The following FHIT variants were observed in gnomAD, a reference collection of about 807,000 sequenced individuals.
The protein encoded by FHIT is bis(5'-adenosyl)-triphosphatase.
Under a neutral mutation model 17.9 loss-of-function variants are expected in FHIT, and 19 were observed. The ratio of observed to expected loss-of-function variants is 1.06; its 90% CI spans 0.74 to 1.56. FHIT has a LOEUF of 1.56. FHIT is among the 40% of genes most tolerant of loss of function. The pLI is 0.00. For synonymous variants in FHIT, 81 were observed against 69.7 expected, an observed-to-expected ratio of 1.16 and a Z score of -0.81; for missense variants, 248 against 189.2, an observed-to-expected ratio of 1.31 and a Z score of -1.82.
At chr3:61,072,763 A>G (rs2106745330) in intron 2 of FHIT, among the ~76,000 whole-genome samples, 1 of 152,286 alleles carries the variant, frequency 6.6e-6, no homozygotes, top group South Asian at 2.1e-4. Context: ...AGTGATACAA[A>G]AAGCAAAAGT....
At chr3:60,994,797 A>G (rs2030531351) in intron 3 of FHIT, among the ~76,000 whole-genome samples, 1 of 152,174 alleles carries the variant, frequency 6.6e-6, no homozygotes, top group South Asian at 2.1e-4. Flanking sequence ...CACTAAAACC[A>G]GGAAGGGAGC....
chr3:61,209,829 A>G (rs1257112277), intron 1 of FHIT, among the ~76,000 whole-genome samples: 1 of 152,078 alleles, frequency 6.6e-6, no homozygotes, highest in East Asian at 1.9e-4. Flanking sequence ...GTCATTCTCC[A>G]TCCAGCTTTG....
intron 5 of FHIT, among the ~76,000 whole-genome samples, chr3:60,069,898 T>C (rs1702690786): frequency 6.6e-6 from 1 of 152,210 alleles, no homozygotes; most frequent in African/African-American, 2.4e-5. Context: ...AATATAAATT[T>C]ACCATATAAA....
At chr3:61,094,855 A>G (rs2035590361) in intron 2 of FHIT, among the ~76,000 whole-genome samples, 1 of 152,216 alleles carries the variant, frequency 6.6e-6, no homozygotes, top group South Asian at 2.1e-4. Context: ...CAATGGAGCG[A>G]GACAGCATGA....
At chr3:60,212,969 G>C (rs1703526788) in intron 5 of FHIT, among the ~76,000 whole-genome samples, 1 of 152,104 alleles carries the variant, frequency 6.6e-6, no homozygotes, top group South Asian at 2.1e-4. Flanking sequence ...CCCAGTGAAT[G>C]TTTAATACTG....
chr3:59,986,398 T>G (rs1708902496), intron 7 of FHIT, among the ~76,000 whole-genome samples: 1 of 149,636 alleles, frequency 6.7e-6, no homozygotes, highest in African/African-American at 2.5e-5. Context: ...CTTGTGCCCT[T>G]ACTTCTCAAA....
At chr3:60,880,605 G>A in intron 3 of FHIT, among the ~76,000 whole-genome samples, 1 of 152,218 alleles carries the variant, frequency 6.6e-6, no homozygotes. Flanking sequence ...GGTGGCACAT[G>A]CCTGTAATCC....
At chr3:61,027,813 A>T (rs893874387) in intron 3 of FHIT, among the ~76,000 whole-genome samples, 1 of 152,250 alleles carries the variant, frequency 6.6e-6, no homozygotes, top group Non-Finnish European at 1.5e-5. Context: ...GCTATCCAGG[A>T]TTTACAATCA....
In FHIT at chr3:60,079,308, G is replaced by A. The variant is rs191579446; in HGVS notation, c.104-65156C>T. On this transcript the variant is annotated intron_variant, in intron 5 of 9. Coordinates refer to ENST00000492590, the MANE Select transcript of FHIT (RefSeq NM_002012.4). ...GGCTCCTCACACATGCTTTTAAATG[G>A]GGCTTTTTACTTTCTAAAATGTGTT... 4.5e-3 allele frequency among the ~76,000 whole-genome samples: 692 copies of A among 152,160 alleles called. 7 individuals are homozygous for A. The highest frequency in any genetic ancestry group is 0.016 in the African/African-American group (648 of 41,528).
chr3:60,171,765 G>A (rs1701423568), intron 5 of FHIT, among the ~76,000 whole-genome samples: 1 of 152,244 alleles, frequency 6.6e-6, no homozygotes, highest in African/African-American at 2.4e-5. Flanking sequence ...GAATGCAGAG[G>A]CATCATTACA....
chr3:60,457,979 T>C (rs908634447), intron 5 of FHIT, among the ~76,000 whole-genome samples: 3 of 152,136 alleles, frequency 2.0e-5, no homozygotes, highest in Non-Finnish European at 4.4e-5. Flanking sequence ...TTTTACACTG[T>C]TGGTAGGAAT....
At chr3:61,040,302 T>C (rs1559931926) in intron 3 of FHIT, among the ~76,000 whole-genome samples, 1 of 152,210 alleles carries the variant, frequency 6.6e-6, no homozygotes, top group African/African-American at 2.4e-5. Flanking sequence ...CTCCGCCTTA[T>C]TTTGTTTTTT....
chr3:59,979,625 C>T (rs867372426), intron 7 of FHIT, among the ~76,000 whole-genome samples: 25 of 152,034 alleles, frequency 1.6e-4, no homozygotes, highest in African/African-American at 5.3e-4. Context: ...CCATTTAGAA[C>T]GTGTACGCTG....
At chr3:60,910,258 A>G (rs1706668317) in intron 3 of FHIT, among the ~76,000 whole-genome samples, 1 of 152,162 alleles carries the variant, frequency 6.6e-6, no homozygotes, top group South Asian at 2.1e-4. Context: ...ATAAGTCTGA[A>G]GCTGCTTAGA....
At chr3:60,788,171 A>G (rs1553727487) in intron 4 of FHIT, among the ~76,000 whole-genome samples, 1 of 152,220 alleles carries the variant, frequency 6.6e-6, no homozygotes, top group African/African-American at 2.4e-5. Flanking sequence ...ACGTGCCTGT[A>G]GTTCTGGTTT....
rs188157100 is a variant in FHIT, at chr3:60,456,184, C to T, written c.103+80676G>A. ...TTTGTACACACAAGATACAGTGTTG[C>T]CTTTAAATATTCACAAATATTTTTA... On this transcript the variant is annotated intron_variant, in intron 5 of 9. Transcript: ENST00000492590. 4.9e-3 allele frequency among the ~76,000 whole-genome samples: 742 copies of T among 152,262 alleles called. 5 individuals are homozygous for T. Among genetic ancestry groups the T allele is most frequent in the African/African-American group, 0.017 (697 of 41,542 alleles).
intron 5 of FHIT, among the ~76,000 whole-genome samples, chr3:60,218,792 G>A (rs1054428454): frequency 1.3e-4 from 20 of 152,060 alleles, no homozygotes; most frequent in African/African-American, 4.8e-4. Flanking sequence ...CCCTGCATCT[G>A]ACAGCTAAGT....
intron 5 of FHIT, among the ~76,000 whole-genome samples, chr3:60,055,589 A>C (rs1248420447): frequency 6.6e-6 from 1 of 152,214 alleles, no homozygotes; most frequent in African/African-American, 2.4e-5. Context: ...TGAAGAAAGA[A>C]GAGAGGAAAC....
chr3:60,700,327 T>C (rs868923287), intron 4 of FHIT, among the ~76,000 whole-genome samples: 3 of 152,188 alleles, frequency 2.0e-5, no homozygotes, highest in African/African-American at 7.2e-5. Context: ...GGTTTTGATA[T>C]AGTCATTCTT....
Sources: gnomAD v4.1 joint callset for allele counts (sites outside exome capture counted in the v4.1 genomes callset) on GRCh38, gnomAD v4.1.1 for gene constraint, MANE v1.5 for transcripts, NCBI Gene and HGNC (gene_info 2026-07-23, HGNC 2026-07-21) for gene names.